The following RNF150 variants were observed in gnomAD, a reference collection of about 807,000 sequenced individuals.
RNF150 encodes ring finger protein 150.
Under a neutral mutation model 39.3 loss-of-function variants are expected in RNF150, and 24 were observed. The ratio of observed to expected loss-of-function variants is 0.61; its 90% confidence interval spans 0.44 to 0.86. The LOEUF (loss-of-function observed/expected upper bound fraction) is 0.86. Ranked by LOEUF, RNF150 falls within the 40% of genes least tolerant of loss-of-function variation. RNF150 has a pLI of 0.00. For missense variants in RNF150, 502 were observed against 587.8 expected (o/e 0.85, Z 1.51); for synonymous variants, 255 against 227.3 (o/e 1.12, Z -1.10).
chr4:140,954,387 G>T (rs1052264257), intron 2 of RNF150, among the ~76,000 whole-genome samples: 2 of 151,962 alleles, frequency 1.3e-5, no homozygotes, highest in African/African-American at 4.8e-5. Flanking sequence ...GGTAATTTTT[G>T]TATTTTTTGT....
chr4:140,914,309 G>C (rs1462613448), intron 5 of RNF150, among the ~76,000 whole-genome samples: 8 of 152,224 alleles, frequency 5.3e-5, no homozygotes, highest in East Asian at 1.9e-4. Flanking sequence ...CACTCTACAT[G>C]GTTCATCAAA....
At chr4:140,869,471 A>G (rs1728844480) in intron 6 of RNF150, among the ~76,000 whole-genome samples, 1 of 152,154 alleles carries the variant, frequency 6.6e-6, no homozygotes, top group Non-Finnish European at 1.5e-5. Flanking sequence ...GACATTATCT[A>G]CCGTGTCCCT....
chr4:141,125,950 G>A (rs1335244306), intron 1 of RNF150, among the ~76,000 whole-genome samples: 3 of 152,048 alleles, frequency 2.0e-5, no homozygotes, highest in Non-Finnish European at 4.4e-5. Flanking sequence ...TTTCTTGCCC[G>A]GGTCATCTTA....
chr4:140,964,473 T>C (rs1422456862), intron 2 of RNF150, among the ~76,000 whole-genome samples: 1 of 152,074 alleles, frequency 6.6e-6, no homozygotes, highest in African/African-American at 2.4e-5. Context: ...CTGTTAATAA[T>C]ATACAAAATA....
intron 1 of RNF150, among the ~76,000 whole-genome samples, chr4:141,131,639 A>G (rs1234146229): frequency 6.6e-6 from 1 of 152,228 alleles, no homozygotes; most frequent in Non-Finnish European, 1.5e-5. Context: ...AACCTTCAGC[A>G]TATTTAACCT....
intron 5 of RNF150, among the ~76,000 whole-genome samples, chr4:140,923,765 T>C (rs1477047340): frequency 1.3e-5 from 2 of 152,170 alleles, no homozygotes; most frequent in Non-Finnish European, 2.9e-5. Flanking sequence ...ATGTGGCACA[T>C]ATACACCATG....
intron 1 of RNF150, among the ~76,000 whole-genome samples, chr4:141,120,091 C>T (rs2111083553): frequency 6.6e-6 from 1 of 152,270 alleles, no homozygotes; most frequent in South Asian, 2.1e-4. Context: ...CTACGCCAGG[C>T]TCTATAAATA....
At chr4:141,069,790 A>G (rs1159814671) in intron 1 of RNF150, among the ~76,000 whole-genome samples, 11 of 152,016 alleles carry the variant, frequency 7.2e-5, no homozygotes, top group Non-Finnish European at 1.5e-5. Context: ...TAGTCTTGGG[A>G]GACTGTATGT....
At chr4:140,972,741 A>G (rs1398537703) in intron 1 of RNF150, among the ~76,000 whole-genome samples, 1 of 152,194 alleles carries the variant, frequency 6.6e-6, no homozygotes, top group Non-Finnish European at 1.5e-5. Flanking sequence ...ATGGAGAGAC[A>G]TGAGCAGCCA....
At chr4:141,097,351 T>G (rs146417926) in intron 1 of RNF150, among the ~76,000 whole-genome samples, 1 of 152,346 alleles carries the variant, frequency 6.6e-6, no homozygotes, top group East Asian at 1.9e-4. Flanking sequence ...GCCATGCATT[T>G]TGCAAACTTT....
intron 1 of RNF150, among the ~76,000 whole-genome samples, chr4:141,110,586 T>A (rs1475542391): frequency 6.6e-6 from 1 of 151,316 alleles, no homozygotes; most frequent in Non-Finnish European, 1.5e-5. Context: ...ATTTTTAATT[T>A]TTTTTTAATG....
intron 1 of RNF150, among the ~76,000 whole-genome samples, chr4:141,210,106 A>G (rs1417726154): frequency 6.6e-6 from 1 of 152,194 alleles, no homozygotes; most frequent in Non-Finnish European, 1.5e-5. Context: ...TAGAAATGGT[A>G]AGATGAATCA....
intron 3 of RNF150, 59 bp from the exon 4 acceptor site, chr4:140,947,795 T>C: frequency 8.1e-7 from 1 of 1,240,430 alleles, no homozygotes; most frequent in South Asian, 1.4e-5. Context: ...TGTGTAAATA[T>C]CCAAGCCAAA....
intron 1 of RNF150, among the ~76,000 whole-genome samples, chr4:140,988,749 A>T (rs1734095849): frequency 6.6e-6 from 1 of 151,832 alleles, no homozygotes; most frequent in Non-Finnish European, 1.5e-5. Context: ...ACTTGGAACC[A>T]ACCCAAATGT....
At chr4:141,182,081 C>T (rs1238377011) in intron 1 of RNF150, among the ~76,000 whole-genome samples, 2 of 151,934 alleles carry the variant, frequency 1.3e-5, no homozygotes, top group Non-Finnish European at 2.9e-5. Flanking sequence ...ACAAAAACCA[C>T]ATGATTATCT....
At chr4:141,155,288 A>AG (rs35301832) in intron 1 of RNF150, among the ~76,000 whole-genome samples, 77,444 of 143,488 alleles carry the variant, frequency 0.54, 21,417 homozygotes, top group East Asian at 0.81. Context: ...TAGTAGAGGC[A>AG]GGTTTCACTA....
chr4:140,999,930 T>A (rs1734515524), intron 1 of RNF150, among the ~76,000 whole-genome samples: 2 of 74,278 alleles, frequency 2.7e-5, no homozygotes, highest in Admixed American at 1.8e-4. Flanking sequence ...AGAGTGAGAC[T>A]TGGTCTCAAA....
At chr4:141,074,354 G>A (rs1230816658) in intron 1 of RNF150, among the ~76,000 whole-genome samples, 1 of 151,284 alleles carries the variant, frequency 6.6e-6, no homozygotes, top group African/African-American at 2.4e-5. Context: ...ACCACAGTCA[G>A]AATGGGAAAG....
At chr4:141,142,563 A>G (rs1046009671) in intron 1 of RNF150, among the ~76,000 whole-genome samples, 3 of 152,194 alleles carry the variant, frequency 2.0e-5, no homozygotes, top group African/African-American at 7.2e-5. Flanking sequence ...TCCTTTACCC[A>G]GTATATTCTG....
Sources: allele counts gnomAD v4.1 joint callset (sites outside exome capture counted in the v4.1 genomes callset), GRCh38; gene constraint gnomAD v4.1.1; transcripts MANE v1.5; gene names NCBI Gene and HGNC (gene_info 2026-07-23, HGNC 2026-07-21).